VPS13B: variants seen among roughly 807,000 people sequenced by gnomAD.
The protein encoded by VPS13B is vacuolar protein sorting 13 homolog B.
VPS13B carries 285 observed loss-of-function variants against 426.4 expected under a neutral mutation model. The observed-to-expected ratio is 0.67, with a 90% CI of 0.61 to 0.74. The LOEUF (loss-of-function observed/expected upper bound fraction) is 0.74. Ranked by LOEUF, VPS13B falls within the 30% of genes least tolerant of loss-of-function variation. The pLI, the probability that VPS13B is intolerant of heterozygous loss-of-function variation, is 0.00. For missense variants in VPS13B, 4,537 were observed against 4,782.6 expected (o/e 0.95, Z 1.51); for synonymous variants, 1,676 against 1,676.4 (o/e 1.00, Z 0.01).
chr8:99,175,839 G>A (rs938562502), intron 16 of VPS13B, among the ~76,000 whole-genome samples: 5 of 152,198 alleles, frequency 3.3e-5, no homozygotes, highest in African/African-American at 1.2e-4. Context: ...ACCATTCAGA[G>A]CTGATAGAAA....
chr8:99,290,512 C>T lies in VPS13B; in HGVS notation c.2824+15258C>T, dbSNP rs901651060. Among the ~76,000 whole-genome samples the T allele has an allele frequency of 4.0e-5, 6 of 151,340 alleles. No homozygotes were observed. The East Asian group carries it at 5.8e-4, about 15-fold the overall frequency. ...ACACACTGGGGCCTGTCATGGGGTG[C>T]GGGGAGAGGGAAGGGATAGCATTAG... is the stretch of plus-strand genomic sequence containing the variant. On this transcript the variant is annotated intron_variant, in intron 19 of 61. Transcript: ENST00000357162.
intron 2 of VPS13B, among the ~76,000 whole-genome samples, chr8:99,028,373 G>A (rs1168443658): frequency 4.7e-5 from 7 of 148,540 alleles, no homozygotes; most frequent in African/African-American, 7.5e-5. Context: ...CGGATGGGGC[G>A]GCTGGCCGGG....
chr8:99,700,342 A>T (rs1832215202), intron 36 of VPS13B, among the ~76,000 whole-genome samples: 1 of 152,344 alleles, frequency 6.6e-6, no homozygotes, highest in South Asian at 2.1e-4. Flanking sequence ...GACCCCACCC[A>T]TGACCTACTA....
At chr8:99,714,521 TC>T (rs1832833582) in intron 36 of VPS13B, among the ~76,000 whole-genome samples, 1 of 152,086 alleles carries the variant, frequency 6.6e-6, no homozygotes, top group Non-Finnish European at 1.5e-5. Context: ...TCCAAGTGTC[TC>T]CCCACAAAAA....
intron 31 of VPS13B, among the ~76,000 whole-genome samples, chr8:99,571,551 G>A (rs1448997518): frequency 6.6e-6 from 1 of 152,150 alleles, no homozygotes; most frequent in Non-Finnish European, 1.5e-5. Context: ...ACATGATGGA[G>A]AGAAATGTAT....
rs1489269518 is a variant in VPS13B at position 99,722,638 on chromosome 8, A to T, written c.7050+1591A>T. Reference sequence around the variant, plus strand: ...TCTCCTGCCTCAGCCTCCCGAGTAGATGGGACTACAGGTGTCCGCCACCAT... The same window carrying T: ...TCTCCTGCCTCAGCCTCCCGAGTAGTTGGGACTACAGGTGTCCGCCACCAT... On this transcript the variant is annotated intron_variant, in intron 39 of 61. Coordinates refer to ENST00000357162, the MANE Select transcript of VPS13B (RefSeq NM_152564.5). Among the ~76,000 whole-genome samples the T allele has an allele frequency of 4.0e-5, 6 of 151,696 alleles. No homozygotes were observed. In the South Asian group the frequency reaches 1.2e-3, roughly 32 times the overall value.
At chr8:99,074,931 C>T (rs1404838589) in intron 3 of VPS13B, among the ~76,000 whole-genome samples, 1 of 152,180 alleles carries the variant, frequency 6.6e-6, no homozygotes, top group Non-Finnish European at 1.5e-5. Context: ...GCCACCACTC[C>T]TGGCCTGCAG....
At chr8:99,866,069 G>A (rs771165081) in intron 58 of VPS13B, among the ~76,000 whole-genome samples, 2 of 152,220 alleles carry the variant, frequency 1.3e-5, no homozygotes, top group East Asian at 1.9e-4. Flanking sequence ...TCCCAGTCAC[G>A]CTCTTCTCTC....
intron 36 of VPS13B, among the ~76,000 whole-genome samples, chr8:99,708,611 G>A (rs1428192021): frequency 1.3e-5 from 2 of 152,100 alleles, no homozygotes; most frequent in Admixed American, 1.3e-4. Flanking sequence ...AAGTCATCAG[G>A]TGCTTTGGGA....
chr8:99,351,533 C>T (rs1055976980), intron 19 of VPS13B, among the ~76,000 whole-genome samples: 1 of 151,466 alleles, frequency 6.6e-6, no homozygotes, highest in African/African-American at 2.4e-5. Context: ...TCTGGAATCC[C>T]TTTTTAGTCT....
chr8:99,274,494 C>A (rs1818791992), intron 18 of VPS13B, among the ~76,000 whole-genome samples, 162 bp downstream of exon 18: 1 of 151,958 alleles, frequency 6.6e-6, no homozygotes, highest in African/African-American at 2.4e-5. Flanking sequence ...CAGGATGGTA[C>A]TTCTTGACTT....
intron 2 of VPS13B, among the ~76,000 whole-genome samples, chr8:99,021,516 G>A (rs1434033886): frequency 6.6e-6 from 1 of 152,004 alleles, no homozygotes; most frequent in Non-Finnish European, 1.5e-5. Context: ...AGCTACTCAG[G>A]AGGCTGAGGC....
At chr8:99,559,726 G>A (rs547026032) in intron 31 of VPS13B, among the ~76,000 whole-genome samples, 6 of 152,250 alleles carry the variant, frequency 3.9e-5, no homozygotes, top group African/African-American at 1.4e-4. Context: ...TAGATACGCG[G>A]CATTATTTCT....
intron 19 of VPS13B, among the ~76,000 whole-genome samples, chr8:99,315,435 A>T (rs1274025079): frequency 6.6e-6 from 1 of 150,758 alleles, no homozygotes; most frequent in Non-Finnish European, 1.5e-5. Flanking sequence ...TGACTCTTTC[A>T]AGTATATTTT....
chr8:99,129,795 C>A (rs762483297), intron 8 of VPS13B, among the ~76,000 whole-genome samples: 29 of 151,768 alleles, frequency 1.9e-4, no homozygotes, highest in Non-Finnish European at 3.7e-4. Flanking sequence ...GAATTATATT[C>A]AACGGAATCA....
chr8:99,640,061 GAAAAGAAAAGAAAAGAAA>G lies in VPS13B; in HGVS notation c.5221-1748_5221-1731del, dbSNP rs1563838984. Among the ~76,000 whole-genome samples, 60 of 108,470 alleles carry G rather than the reference GAAAAGAAAAGAAAAGAAA, an allele frequency of 5.5e-4. 1 individual carries two copies. The highest frequency in any genetic ancestry group is 2.3e-4 in the Non-Finnish European group (12 of 53,318). 71.2% of individuals were successfully genotyped at this position (108,470 alleles called of 152,430 possible). Reference sequence around the variant, plus strand: ...AGAAGAAGAAGAAGAGAAAAGAAAAGAAAAGAAAAGAAAAGAAAAGAAAAGAAAAGAAAAGAAAAGAAA... The same window carrying G: ...AGAAGAAGAAGAAGAGAAAAGAAAAGAGAAAAGAAAAGAAAAGAAAAGAAA... On this transcript the variant is annotated intron_variant, in intron 33 of 61. Coordinates refer to ENST00000357162, the MANE Select transcript of VPS13B (RefSeq NM_152564.5).
chr8:99,501,673 T>C lies in VPS13B; in HGVS notation c.3871-14T>C, dbSNP rs559579760. On this transcript the variant is annotated splice_polypyrimidine_tract_variant and intron_variant, in intron 25 of 61. Coordinates refer to ENST00000357162, the MANE Select transcript of VPS13B (RefSeq NM_152564.5). ...TATGTTACAAAGTAAGATTTTTTTT[T>C]CTCCTCATCCCAGGGAGATTCTATA... is the stretch of plus-strand genomic sequence containing the variant. 7 of 1,612,924 alleles carry C rather than the reference T, an allele frequency of 4.3e-6. No individual in the cohort carries two copies. The South Asian group carries it at 5.5e-5, about 13-fold the overall frequency.
In VPS13B at chr8:99,141,771, G is replaced by T. The variant is rs11777494; in HGVS notation, c.1652-1203G>T. ...AAATCTAATTAATTTTTGGCCAGGC[G>T]TGGTGGCTCACTCCTGTAATCTCAG... On this transcript the variant is annotated intron_variant, in intron 12 of 61. Transcript: ENST00000357162. Among the ~76,000 whole-genome samples the T allele has an allele frequency of 7.7e-4, 117 of 151,842 alleles. 2 individuals carry two copies. The highest frequency in any genetic ancestry group is 7.3e-3 in the Admixed American group (111 of 15,250).
intron 3 of VPS13B, among the ~76,000 whole-genome samples, chr8:99,047,897 A>G (rs1319312610): frequency 6.6e-6 from 1 of 152,014 alleles, no homozygotes; most frequent in Non-Finnish European, 1.5e-5. Context: ...CATTTTTGCC[A>G]GGCTGGTCTT....
Sources: allele counts gnomAD v4.1 joint callset (sites outside exome capture counted in the v4.1 genomes callset), GRCh38; gene constraint gnomAD v4.1.1; transcripts MANE v1.5; gene names NCBI Gene and HGNC (gene_info 2026-07-23, HGNC 2026-07-21).